The following CNTNAP2 variants were observed in gnomAD, a reference collection of about 807,000 sequenced individuals.
CNTNAP2 encodes contactin associated protein 2.
CNTNAP2 carries 98 observed loss-of-function variants against 155.2 expected under a neutral mutation model. The ratio of observed to expected loss-of-function variants is 0.63; its 90% confidence interval spans 0.54 to 0.75. The LOEUF (loss-of-function observed/expected upper bound fraction) is 0.75, where lower values mean the gene tolerates loss of function less well. CNTNAP2 is among the 30% of genes least tolerant of loss of function. The pLI is 0.00. For missense variants in CNTNAP2, 1,727 were observed against 1,688.1 expected (o/e 1.02, Z -0.40); for synonymous variants, 651 against 631.2 (o/e 1.03, Z -0.47).
At chr7:148,372,851 C>T (rs1798914605) in intron 21 of CNTNAP2, among the ~76,000 whole-genome samples, 1 of 152,164 alleles carries the variant, frequency 6.6e-6, no homozygotes, top group Non-Finnish European at 1.5e-5. Flanking sequence ...ACACATTATA[C>T]AGCTGTAAAA....
intron 9 of CNTNAP2, among the ~76,000 whole-genome samples, chr7:147,364,773 C>T (rs566386272): frequency 1.3e-5 from 2 of 151,298 alleles, no homozygotes; most frequent in Non-Finnish European, 2.9e-5. Flanking sequence ...GGCGTGAACT[C>T]GGGAGGCGGA....
intron 1 of CNTNAP2, among the ~76,000 whole-genome samples, chr7:146,145,322 T>C (rs1196549692): frequency 1.3e-5 from 2 of 152,154 alleles, no homozygotes; most frequent in African/African-American, 4.8e-5. Flanking sequence ...TTAGCTAGAA[T>C]GATGGCACCT....
chr7:146,842,824 C>A (rs13237963), intron 3 of CNTNAP2, among the ~76,000 whole-genome samples: 3 of 143,264 alleles, frequency 2.1e-5, no homozygotes, highest in Admixed American at 7.0e-5. Context: ...TAGCTGGGAC[C>A]ACAGGCGCCC....
At chr7:148,171,010 G>A (rs1449646772) in intron 17 of CNTNAP2, among the ~76,000 whole-genome samples, 1 of 152,038 alleles carries the variant, frequency 6.6e-6, no homozygotes, top group Admixed American at 6.6e-5. Flanking sequence ...CACAGAACAG[G>A]GCTTAAGACA....
At chr7:147,333,962 T>C (rs904140393) in intron 9 of CNTNAP2, among the ~76,000 whole-genome samples, 2 of 152,148 alleles carry the variant, frequency 1.3e-5, no homozygotes, top group Non-Finnish European at 2.9e-5. Context: ...CAAAGCAGAC[T>C]TGGATCCATG....
chr7:147,296,507 A>G (rs965676818), intron 8 of CNTNAP2, among the ~76,000 whole-genome samples: 5 of 152,352 alleles, frequency 3.3e-5, no homozygotes, highest in Non-Finnish European at 7.3e-5. Flanking sequence ...TATTTGAAAG[A>G]TAAGAAATAA....
chr7:147,919,796 A>G (rs1372726663), intron 14 of CNTNAP2, among the ~76,000 whole-genome samples: 1 of 151,188 alleles, frequency 6.6e-6, no homozygotes, highest in Non-Finnish European at 1.5e-5. Context: ...CGCGTTGCTC[A>G]GGCCAGTCTG....
chr7:147,822,911 G>A (rs1448993590), intron 13 of CNTNAP2, among the ~76,000 whole-genome samples: 1 of 152,070 alleles, frequency 6.6e-6, no homozygotes, highest in African/African-American at 2.4e-5. Context: ...TTTGCTATTT[G>A]TCAACTCTGC....
At chr7:146,449,469 A>G (rs1796447089) in intron 1 of CNTNAP2, among the ~76,000 whole-genome samples, 1 of 152,074 alleles carries the variant, frequency 6.6e-6, no homozygotes, top group Admixed American at 6.6e-5. Context: ...TCAGGTCCCT[A>G]TGTCCCCAAT....
intron 4 of CNTNAP2, among the ~76,000 whole-genome samples, chr7:147,077,053 T>G (rs138311878): frequency 6.6e-6 from 1 of 152,278 alleles, no homozygotes; most frequent in African/African-American, 2.4e-5. Context: ...TTAATTGAAT[T>G]ACTTAGAAAA....
chr7:148,098,564 G>A (rs932474143), intron 15 of CNTNAP2, among the ~76,000 whole-genome samples: 1 of 151,840 alleles, frequency 6.6e-6, no homozygotes, highest in African/African-American at 2.4e-5. Context: ...TCCTAGCTGG[G>A]CACAGTGGTG....
chr7:147,911,844 T>A (rs912277432), intron 14 of CNTNAP2, among the ~76,000 whole-genome samples: 1 of 152,206 alleles, frequency 6.6e-6, no homozygotes, highest in Admixed American at 6.5e-5. Flanking sequence ...TTTTGCTTCT[T>A]CATTCATTTG....
chr7:147,850,799 G>A (rs1224058971), intron 13 of CNTNAP2, among the ~76,000 whole-genome samples: 2 of 152,210 alleles, frequency 1.3e-5, no homozygotes, highest in African/African-American at 4.8e-5. Flanking sequence ...TTAAATGTTA[G>A]ACCTAAAACC....
At chr7:147,195,848 C>T (rs1253636328) in intron 8 of CNTNAP2, among the ~76,000 whole-genome samples, 1 of 152,002 alleles carries the variant, frequency 6.6e-6, no homozygotes, top group Non-Finnish European at 1.5e-5. Context: ...AGCCAGCTAT[C>T]TGGATTCTAG....
chr7:147,264,075 A>G (rs1241255014), intron 8 of CNTNAP2, among the ~76,000 whole-genome samples: 2 of 152,202 alleles, frequency 1.3e-5, no homozygotes, highest in East Asian at 3.9e-4. Flanking sequence ...TTTGACTGCT[A>G]TTTATATGAC....
intron 1 of CNTNAP2, among the ~76,000 whole-genome samples, chr7:146,262,788 TA>T (rs1333806571): frequency 6.6e-6 from 1 of 152,196 alleles, no homozygotes; most frequent in Non-Finnish European, 1.5e-5. Flanking sequence ...TGGCATTGTT[TA>T]AAAAATATGA....
intron 12 of CNTNAP2, among the ~76,000 whole-genome samples, chr7:147,587,430 A>T (rs184595385): frequency 1.3e-5 from 2 of 152,274 alleles, no homozygotes; most frequent in East Asian, 3.9e-4. Context: ...GAGACAAGAG[A>T]ATCCCCATTT....
At chr7:146,125,799 G>A (rs1294000780) in intron 1 of CNTNAP2, among the ~76,000 whole-genome samples, 2 of 151,968 alleles carry the variant, frequency 1.3e-5, no homozygotes, top group Non-Finnish European at 2.9e-5. Context: ...GATCAAAGAA[G>A]ATGTTTAGTT....
At chr7:146,813,537 T>C (rs1016017269) in intron 2 of CNTNAP2, among the ~76,000 whole-genome samples, 1 of 152,212 alleles carries the variant, frequency 6.6e-6, no homozygotes, top group African/African-American at 2.4e-5. Context: ...TGTACCTCCA[T>C]TGTAACTAGA....
Sources: gnomAD v4.1 joint callset for allele counts (sites outside exome capture counted in the v4.1 genomes callset) on GRCh38, gnomAD v4.1.1 for gene constraint, MANE v1.5 for transcripts, NCBI Gene and HGNC (gene_info 2026-07-23, HGNC 2026-07-21) for gene names.